IL36B: variants seen among roughly 807,000 people sequenced by gnomAD.
IL36B encodes the protein interleukin 36 beta, also known as interleukin-36 beta.
IL36B carries 23 observed loss-of-function variants against 19.3 expected under a neutral mutation model. That is an observed-to-expected ratio of 1.19 (90% confidence interval 0.86 to 1.69). The LOEUF is 1.69. Among genes scored for constraint, IL36B ranks in the 40% most tolerant of loss-of-function variants. The probability of loss-of-function intolerance (pLI) is 0.00; values close to 1 mark genes in which losing one functional copy is unlikely to be tolerated. For synonymous variants in IL36B, 59 were observed against 59.7 expected (o/e 0.99, Z 0.05); for missense variants, 217 against 200.5 (o/e 1.08, Z -0.50).
chr2:113,025,634 A>G (rs529402318), intron 5 of IL36B, among the ~76,000 whole-genome samples: 1 of 152,350 alleles, frequency 6.6e-6, no homozygotes, highest in Admixed American at 6.5e-5. Flanking sequence ...TGGACCTCGC[A>G]GAAGATAAGA....
In IL36B at chr2:113,031,022, C is replaced by G. The variant is rs375920578; in HGVS notation, c.121+26G>C. On this transcript the variant is annotated intron_variant, in intron 3 of 5. Coordinates refer to ENST00000259213, the MANE Select transcript of IL36B (RefSeq NM_014438.5). ...GTGAAGATGGCATCACCTCAAGAAG[C>G]AACAGTGGGTTTGATTGTCACTCAC... The G allele has an allele frequency of 3.0e-5, 45 of 1,513,524 alleles. No homozygotes were observed. The African/African-American group carries it at 5.9e-4, about 20-fold the overall frequency. The allele number at this position is 1,513,524 out of a possible 1,614,324, so 93.8% of individuals were successfully genotyped here.
At position 113,031,723 on chromosome 2, in the gene IL36B, C is replaced by A. The variant is rs760222125; in HGVS notation, c.-14G>T. ...TTGTGGGTTCATGATGTCTTCAGAG[C>A]CTTTTGTGAAGAGAACAAGATAGAT... On this transcript the variant is annotated 5_prime_UTR_variant, in exon 2 of 6. Coordinates refer to ENST00000259213, the MANE Select transcript of IL36B (RefSeq NM_014438.5). 6.3e-5 allele frequency: 101 copies of A among 1,606,998 alleles called. No individual in the cohort carries two copies. The highest frequency in any genetic ancestry group is 8.4e-5 in the Non-Finnish European group (99 of 1,174,042).
At chr2:113,045,961 C>T (rs1466484473) in intron 1 of IL36B, among the ~76,000 whole-genome samples, 1 of 152,116 alleles carries the variant, frequency 6.6e-6, no homozygotes, top group African/African-American at 2.4e-5. Context: ...TCTGAATTTC[C>T]TGTTTCTTTG....
intron 1 of IL36B, among the ~76,000 whole-genome samples, chr2:113,035,214 G>T (rs1685145651): frequency 6.6e-6 from 1 of 152,188 alleles, no homozygotes; most frequent in South Asian, 2.1e-4. Context: ...ACCATGAAAA[G>T]AATTTGAATC....
intron 3 of IL36B, among the ~76,000 whole-genome samples, chr2:113,029,589 G>A (rs908597730): frequency 1.3e-5 from 2 of 152,226 alleles, no homozygotes; most frequent in Non-Finnish European, 2.9e-5. Flanking sequence ...AGGAAATGGA[G>A]TGGACAGAAG....
chr2:113,044,260 A>ATGTGTGTGTGTGTG (rs56838257), intron 1 of IL36B, among the ~76,000 whole-genome samples: 4 of 142,448 alleles, frequency 2.8e-5, no homozygotes, highest in Non-Finnish European at 6.1e-5. Context: ...CTATATCTAT[A>ATGTGTGTGTGTGTG]TGTGTGTGTG....
chr2:113,044,448 A>T (rs559776459), intron 1 of IL36B, among the ~76,000 whole-genome samples: 1 of 152,112 alleles, frequency 6.6e-6, no homozygotes, highest in South Asian at 2.1e-4. Flanking sequence ...ATGTGCCACC[A>T]TGTTCAGCTA....
intron 1 of IL36B, among the ~76,000 whole-genome samples, chr2:113,043,401 G>T (rs1215587819): frequency 6.6e-6 from 1 of 152,130 alleles, no homozygotes; most frequent in African/African-American, 2.4e-5. Context: ...ATGAAGCATT[G>T]TAGATTATGT....
chr2:113,031,673 G>C, intron 2 of IL36B, 24 bp downstream of exon 2: 1 of 1,598,556 alleles, frequency 6.3e-7, no homozygotes, highest in Non-Finnish European at 8.6e-7. Flanking sequence ...ATATTTCCAA[G>C]CTGATTTGCA....
intron 1 of IL36B, among the ~76,000 whole-genome samples, chr2:113,041,130 C>G (rs1421836548): frequency 7.1e-6 from 1 of 140,620 alleles, no homozygotes; most frequent in Admixed American, 7.6e-5. Flanking sequence ...CACTCCAGCC[C>G]TGGGTGACAG....
intron 1 of IL36B, among the ~76,000 whole-genome samples, chr2:113,047,491 G>T (rs1685370130): frequency 1.3e-5 from 2 of 152,186 alleles, no homozygotes; most frequent in African/African-American, 4.8e-5. Flanking sequence ...TGTAATTAAG[G>T]CTCTTGGCAA....
At position 113,022,505 on chromosome 2, in the gene IL36B, T is replaced by C. The variant is rs543531151; in HGVS notation, c.*169A>G. The stretch of plus-strand genomic sequence containing the variant: ...AAAAGACTCCGACCTTCTCTAGCTT[T>C]ACAGGTAAGATTTACCAACTCTTTA... On this transcript the variant is annotated 3_prime_UTR_variant, in exon 6 of 6. Transcript: ENST00000259213. The C allele has an allele frequency of 1.1e-5, 6 of 559,454 alleles. No homozygotes were observed. The South Asian group carries it at 1.3e-4, about 12-fold the overall frequency. 34.7% of individuals were successfully genotyped at this position (559,454 alleles called of 1,614,324 possible). A position where few individuals can be genotyped will look rare whatever the true frequency, so the allele number is the denominator to read the frequency against.
chr2:113,048,638 G>A (rs186610305), intron 1 of IL36B, among the ~76,000 whole-genome samples: 45 of 152,044 alleles, frequency 3.0e-4, no homozygotes, highest in East Asian at 9.7e-4. Flanking sequence ...TTATAAGATC[G>A]GAGCAAAAAT....
chr2:113,046,311 G>T (rs1487473489), intron 1 of IL36B, among the ~76,000 whole-genome samples: 1 of 150,706 alleles, frequency 6.6e-6, no homozygotes, highest in Non-Finnish European at 1.5e-5. Context: ...CCGGGTTCAT[G>T]CCATTCTCCT....
intron 3 of IL36B, 152 bp from the exon 4 acceptor site, chr2:113,029,230 G>A (rs753687868): frequency 9.5e-5 from 69 of 725,742 alleles, no homozygotes; most frequent in Middle Eastern, 2.6e-4. Flanking sequence ...TTTGTTTTTC[G>A]TCCTTAATAA....
chr2:113,035,637 G>GA lies in IL36B; in HGVS notation c.-57-3872dup, dbSNP rs35831539. Among the ~76,000 whole-genome samples, 565 of 152,108 alleles carry GA rather than the reference G, an allele frequency of 3.7e-3. 3 individuals carry two copies. The highest frequency in any genetic ancestry group is 0.013 in the African/African-American group (534 of 41,496). On this transcript the variant is annotated intron_variant, in intron 1 of 5. Coordinates refer to ENST00000259213, the MANE Select transcript of IL36B (RefSeq NM_014438.5). ...AGTAGAAATTAAAGAAGAAGAAAAG[G>GA]AAAAAACAAAAATATTTTGATGTTT... is the stretch of plus-strand genomic sequence containing the variant.
chr2:113,031,415 T>C (rs1685073424), intron 2 of IL36B, among the ~76,000 whole-genome samples: 1 of 152,144 alleles, frequency 6.6e-6, no homozygotes, highest in Non-Finnish European at 1.5e-5. Context: ...TTCCGAATGA[T>C]AAAATGTCTA....
intron 1 of IL36B, among the ~76,000 whole-genome samples, chr2:113,052,186 G>A (rs1291829965): frequency 6.6e-6 from 1 of 151,990 alleles, no homozygotes; most frequent in Non-Finnish European, 1.5e-5. Flanking sequence ...CTGGCCTCAA[G>A]TGTTCTGCCC....
chr2:113,035,937 T>C (rs899524234), intron 1 of IL36B, among the ~76,000 whole-genome samples: 28 of 152,088 alleles, frequency 1.8e-4, no homozygotes, highest in African/African-American at 6.5e-4. Flanking sequence ...TTGGTAATTT[T>C]GCACTTTTCG....
Sources: gnomAD v4.1 joint callset for allele counts (sites outside exome capture counted in the v4.1 genomes callset) on GRCh38, gnomAD v4.1.1 for gene constraint, MANE v1.5 for transcripts, NCBI Gene and HGNC (gene_info 2026-07-23, HGNC 2026-07-21) for gene names.